STARD13: variants seen among roughly 807,000 people sequenced by gnomAD.
The protein encoded by STARD13 is StAR related lipid transfer domain containing 13, also known as stAR-related lipid transfer protein 13.
STARD13 carries 62 observed loss-of-function variants against 106.4 expected under a neutral mutation model. The ratio of observed to expected loss-of-function variants is 0.58; its 90% CI spans 0.48 to 0.72. The LOEUF (loss-of-function observed/expected upper bound fraction) is 0.72. STARD13 is among the 30% of genes least tolerant of loss of function. STARD13 has a pLI of 0.00. For synonymous variants in STARD13, 565 were observed against 553.0 expected, an observed-to-expected ratio of 1.02 and a Z score of -0.31; for missense variants, 1,387 against 1,424.0, an observed-to-expected ratio of 0.97 and a Z score of 0.42.
the STARD13 span, among the ~76,000 whole-genome samples, chr13:33,494,725 C>A: frequency 6.8e-6 from 1 of 146,738 alleles, no homozygotes. Context: ...AAAAGCAGTA[C>A]TTTTTTTTTT....
intron 4 of STARD13, among the ~76,000 whole-genome samples, 162 bp downstream of exon 4, chr13:33,142,148 C>T (rs894583815): frequency 1.3e-5 from 2 of 152,198 alleles, no homozygotes; most frequent in African/African-American, 4.8e-5. Context: ...CCCAACTCAG[C>T]CTCTCGATAG....
intron 1 of STARD13, among the ~76,000 whole-genome samples, chr13:33,339,713 G>A (rs1433247668): frequency 6.6e-6 from 1 of 152,064 alleles, no homozygotes; most frequent in Non-Finnish European, 1.5e-5. Context: ...ATATGCAAAA[G>A]CTTTTTTGAC....
the STARD13 span, among the ~76,000 whole-genome samples, chr13:33,442,345 T>A: frequency 3.9e-5 from 6 of 152,190 alleles, no homozygotes; most frequent in African/African-American, 9.7e-5. Context: ...GAGCTACTCA[T>A]ACATTAATAA....
chr13:33,127,573 C>T, intron 5 of STARD13, 27 bp from the exon 6 acceptor site: 6 of 1,514,022 alleles, frequency 4.0e-6, no homozygotes, highest in Non-Finnish European at 5.3e-6. Context: ...ATCAGAGAAG[C>T]CAGTCACAAA....
At chr13:33,150,933 G>A (rs552492735) in intron 3 of STARD13, among the ~76,000 whole-genome samples, 9 of 152,238 alleles carry the variant, frequency 5.9e-5, no homozygotes, top group Non-Finnish European at 1.3e-4. Flanking sequence ...TAAGTTAGGT[G>A]CTGGGAATAC....
the STARD13 span, among the ~76,000 whole-genome samples, chr13:33,506,388 T>C: frequency 6.6e-6 from 1 of 152,180 alleles, no homozygotes; most frequent in Non-Finnish European, 1.5e-5. Flanking sequence ...ATTAATAAAG[T>C]AAGCCTATCA....
intron 1 of STARD13, among the ~76,000 whole-genome samples, chr13:33,328,116 T>C (rs1279933684): frequency 6.6e-6 from 1 of 152,252 alleles, no homozygotes; most frequent in Non-Finnish European, 1.5e-5. Flanking sequence ...TGAATTAATA[T>C]ACTTGAGTGT....
chr13:33,217,199 G>A (rs1043290947), intron 1 of STARD13, among the ~76,000 whole-genome samples: 8 of 152,132 alleles, frequency 5.3e-5, no homozygotes, highest in Admixed American at 3.3e-4. Context: ...GACACCATAT[G>A]ACACCTATCA....
At chr13:33,545,722 C>T in the STARD13 span, among the ~76,000 whole-genome samples, 1 of 152,142 alleles carries the variant, frequency 6.6e-6, no homozygotes, top group South Asian at 2.1e-4. Flanking sequence ...AAGAGCCTGG[C>T]ACCTCCCTCC....
rs190730961 is a variant in STARD13 at position 33,140,852 on chromosome 13, G to A, written c.387+1458C>T. ...CAGCTCACTGCAACCTCCGCCTCCC[G>A]GGTTCAAGTGATTCTCCTGCCTCAG... On this transcript the variant is annotated intron_variant, in intron 4 of 13. Coordinates refer to ENST00000336934, the MANE Select transcript of STARD13 (RefSeq NM_178006.4). 1.0e-2 allele frequency among the ~76,000 whole-genome samples: 1,499 copies of A among 150,466 alleles called. 95 individuals carry two copies. The highest frequency in any genetic ancestry group is 0.095 in the Admixed American group (1,426 of 15,066).
In STARD13 at chr13:33,212,012, A is replaced by G. The variant is rs139247044; in HGVS notation, c.170-44390T>C. Among the ~76,000 whole-genome samples, 55 of 152,334 alleles carry G rather than the reference A, an allele frequency of 3.6e-4. 2 individuals carry two copies. The East Asian group carries it at 8.1e-3, about 22-fold the overall frequency. On this transcript the variant is annotated intron_variant, in intron 1 of 13. Transcript: ENST00000336934. ...TCAGACTTACTCTGTTCATTGGACA[A>G]TATGTCTTGGAGATTTTCAAATAAA...
the STARD13 span, among the ~76,000 whole-genome samples, chr13:33,392,101 C>T: frequency 1.3e-5 from 2 of 152,142 alleles, no homozygotes; most frequent in Admixed American, 1.3e-4. Context: ...AGACATCCTG[C>T]AGATTCGTAA....
chr13:33,274,063 G>C (rs1891292443), intron 1 of STARD13: 1 of 149,124 alleles, frequency 6.7e-6, no homozygotes, highest in Non-Finnish European at 1.5e-5. Context: ...ATGCTGGTAA[G>C]CAGAGGCATA....
the STARD13 span, among the ~76,000 whole-genome samples, chr13:33,421,962 A>C: frequency 2.0e-5 from 3 of 152,210 alleles, no homozygotes; most frequent in Non-Finnish European, 4.4e-5. Context: ...AATAAGAACT[A>C]TTTATGACAA....
intron 1 of STARD13, among the ~76,000 whole-genome samples, chr13:33,284,728 T>A (rs907754102): frequency 8.9e-5 from 9 of 100,596 alleles, no homozygotes; most frequent in African/African-American, 3.0e-4. Context: ...ATGTTTTAAA[T>A]TTTTTTTTTT....
the STARD13 span, among the ~76,000 whole-genome samples, chr13:33,399,135 C>A: frequency 2.0e-5 from 3 of 152,174 alleles, no homozygotes; most frequent in Non-Finnish European, 2.9e-5. Flanking sequence ...TATATTCACA[C>A]AATGGAGTAT....
intron 1 of STARD13, among the ~76,000 whole-genome samples, chr13:33,255,110 C>G (rs927017739): frequency 1.0e-5 from 1 of 99,390 alleles, no homozygotes; most frequent in African/African-American, 4.1e-5. Context: ...CCCCCCCCCT[C>G]AGAGGCTTGA....
chr13:33,631,651 A>G, the STARD13 span, among the ~76,000 whole-genome samples: 7 of 151,736 alleles, frequency 4.6e-5, no homozygotes, highest in Non-Finnish European at 1.0e-4. Context: ...TCAAATGTCT[A>G]TGATAGTTAT....
chr13:33,233,218 T>C (rs192706369), intron 1 of STARD13, among the ~76,000 whole-genome samples: 197 of 152,364 alleles, frequency 1.3e-3, no homozygotes, highest in Non-Finnish European at 2.2e-3. Context: ...CTTGTCTTCC[T>C]GTTTGGTGTG....
Sources: allele counts gnomAD v4.1 joint callset (sites outside exome capture counted in the v4.1 genomes callset), GRCh38; gene constraint gnomAD v4.1.1; transcripts MANE v1.5; gene names NCBI Gene and HGNC (gene_info 2026-07-23, HGNC 2026-07-21).